The following ZNF233 variants were observed in gnomAD, a reference collection of about 807,000 sequenced individuals.
ZNF233 encodes the protein zinc finger protein 233.
A neutral mutation model predicts 11.6 loss-of-function variants in ZNF233; 7 were observed. The observed-to-expected ratio is 0.60, with a 90% CI of 0.34 to 1.13. The LOEUF (loss-of-function observed/expected upper bound fraction) is 1.13, where lower values mean the gene tolerates loss of function less well. Among genes scored for constraint, ZNF233 ranks in the 50% most tolerant of loss-of-function variants. ZNF233 has a pLI of 0.03. For synonymous variants in ZNF233, 226 were observed against 268.5 expected (o/e 0.84, Z 1.55); for missense variants, 711 against 785.5 (o/e 0.91, Z 1.13).
rs768544741 is a variant in ZNF233, at chr19:44,266,240, G to A, written c.58G>A (p.Glu20Lys). Residue 20 changes from glutamate (E) to lysine (K), a missense_variant, in exon 3 of 5, where the codon GAG becomes AAG. Coordinates refer to ENST00000683810, the MANE Select transcript of ZNF233 (RefSeq NM_001207005.2). ...GGATGTGGCTGTGGTCTTCACCAGG[G>A]AGGAGCTGGGGTTGCTGGACCTTGC... ...FKDVAVVFTR[E>K]ELGLLDLAQR... is the part of the protein sequence containing the mutation. The A allele has an allele frequency of 2.5e-6, 4 of 1,612,664 alleles. No individual in the cohort carries two copies. The South Asian group carries it at 4.4e-5, about 18-fold the overall frequency.
rs551989727 is a variant in ZNF233 at position 44,275,125 on chromosome 19, C to T, written c.*452C>T. The T allele has an allele frequency of 2.0e-5, 8 of 395,642 alleles. No homozygotes were observed. Among genetic ancestry groups the T allele is most frequent in the Admixed American group, 4.3e-5 (1 of 23,254 alleles). 24.5% of individuals were successfully genotyped at this position (395,642 alleles called of 1,614,324 possible). ...GCATGATCGTGACCTTGAACAAGTA[C>T]CTAAGAAATAGTGGCTTCCCTGGAA... On this transcript the variant is annotated 3_prime_UTR_variant, in exon 5 of 5. Coordinates refer to ENST00000683810, the MANE Select transcript of ZNF233 (RefSeq NM_001207005.2).
intron 4 of ZNF233, 88 bp from the exon 5 acceptor site, chr19:44,272,811 T>C (rs1975272429): frequency 1.1e-6 from 1 of 901,494 alleles, no homozygotes; most frequent in Non-Finnish European, 1.7e-6. Context: ...GGTTTCCCAA[T>C]GTGGTCAACC....
Position 44,273,736 on chromosome 19 carries a change from C to A in ZNF233, c.1076C>A (p.Ser359Tyr), listed in dbSNP as rs777337345. Residue 359 changes from serine to tyrosine, a missense_variant, in exon 5 of 5, where the codon TCT becomes TAT. Coordinates refer to ENST00000683810, the MANE Select transcript of ZNF233 (RefSeq NM_001207005.2). Reference sequence around the variant, plus strand: ...TCCAACCAGAACTCCTGTCTTCCCTCTCATGAGCTTACTCACCCAGGAGAG... The same window carrying A: ...TCCAACCAGAACTCCTGTCTTCCCTATCATGAGCTTACTCACCCAGGAGAG... ...RSSNQNSCLP[S>Y]HELTHPGEKL... 1.9e-6 allele frequency: 3 copies of A among 1,614,200 alleles called. No individual in the cohort carries two copies. In the South Asian group the frequency reaches 3.3e-5, roughly 18 times the overall value.
chr19:44,265,843 T>A (rs1225039909), intron 2 of ZNF233, among the ~76,000 whole-genome samples: 2 of 152,236 alleles, frequency 1.3e-5, no homozygotes, highest in African/African-American at 4.8e-5. Flanking sequence ...TGGGACTAAA[T>A]TGACCCAACA....
At chr19:44,271,077 T>C (rs1160468515) in intron 4 of ZNF233, among the ~76,000 whole-genome samples, 3 of 152,164 alleles carry the variant, frequency 2.0e-5, no homozygotes, top group African/African-American at 7.2e-5. Context: ...TTTACTCCTA[T>C]AGGGTGTGTC....
At position 44,273,980 on chromosome 19, in the gene ZNF233, T is replaced by A; in HGVS notation, c.1320T>A (p.Gly440=). 2 of 1,613,494 alleles carry A rather than the reference T, an allele frequency of 1.2e-6. No individual in the cohort carries two copies. Among genetic ancestry groups the A allele is most frequent in the Non-Finnish European group, 1.7e-6 (2 of 1,179,666 alleles). The change falls in exon 5 of 5, where the codon GGT becomes GGA. Residue 440 remains glycine, a synonymous_variant. Coordinates refer to ENST00000683810, the MANE Select transcript of ZNF233 (RefSeq NM_001207005.2). ...ACAGGATATTTAATAGGAATTCTGG[T>A]CTTCACCAGAGAGTTCACACTGGAG... ...VSDRIFNRNS[G]LHQRVHTGEK...
chr19:44,265,063 A>T (rs1238469576), intron 2 of ZNF233, among the ~76,000 whole-genome samples: 4 of 152,184 alleles, frequency 2.6e-5, no homozygotes, highest in African/African-American at 4.8e-5. Flanking sequence ...GAACATTTAT[A>T]TTACCCCAAA....
chr19:44,264,903 C>T (rs1975029998), intron 2 of ZNF233, among the ~76,000 whole-genome samples: 1 of 152,112 alleles, frequency 6.6e-6, no homozygotes, highest in South Asian at 2.1e-4. Context: ...AATAGTATTT[C>T]AATTTGCAAG....
chr19:44,263,544 A>T (rs1974990596), intron 1 of ZNF233, among the ~76,000 whole-genome samples: 1 of 152,232 alleles, frequency 6.6e-6, no homozygotes, highest in African/African-American at 2.4e-5. Context: ...TCCTTACGAC[A>T]GTGAGCACGG....
At chr19:44,271,667 G>A (rs2080416266) in intron 4 of ZNF233, among the ~76,000 whole-genome samples, 1 of 151,866 alleles carries the variant, frequency 6.6e-6, no homozygotes, top group Admixed American at 6.6e-5. Context: ...CTGCCCCCAT[G>A]CCTGGCTAAT....
At chr19:44,269,121 A>C (rs1975171408) in intron 4 of ZNF233, among the ~76,000 whole-genome samples, 2 of 151,902 alleles carry the variant, frequency 1.3e-5, no homozygotes, top group African/African-American at 4.8e-5. Flanking sequence ...TCTTTGACTG[A>C]CTGCCTCATT....
In ZNF233 at chr19:44,264,321, T is replaced by C; in HGVS notation, c.-40T>C. On this transcript the variant is annotated 5_prime_UTR_variant, in exon 2 of 5. Coordinates refer to ENST00000683810, the MANE Select transcript of ZNF233 (RefSeq NM_001207005.2). ...TTCTTTCTCTTTTCCCAGTTCTGCCTTCCCAGGACCCTGCCCTTCCCCAGA... is the reference window on the plus strand; with the variant it reads ...TTCTTTCTCTTTTCCCAGTTCTGCCCTCCCAGGACCCTGCCCTTCCCCAGA... The C allele has an allele frequency of 6.2e-7, 1 of 1,611,264 alleles. No individual in the cohort carries two copies. Among genetic ancestry groups the C allele is most frequent in the Non-Finnish European group, 8.5e-7 (1 of 1,177,840 alleles).
intron 4 of ZNF233, among the ~76,000 whole-genome samples, chr19:44,272,340 CA>C (rs34243089): frequency 0.32 from 28,140 of 88,484 alleles, 2,941 homozygotes; most frequent in African/African-American, 0.45. Context: ...CCTGCAGTCT[CA>C]AAAAAAAAAA....
rs374803358 is a variant in ZNF233 at position 44,266,979 on chromosome 19, C to T, written c.238+18C>T. The T allele has an allele frequency of 1.7e-5, 27 of 1,601,662 alleles. No homozygotes were observed. Among genetic ancestry groups the T allele is most frequent in the Non-Finnish European group, 2.3e-5 (27 of 1,169,992 alleles). ...GTGTTCAGGTGAGAACCATGGAGCT[C>T]TGAGTCTTTGCGGGGTACAGCCTAG... On this transcript the variant is annotated intron_variant, in intron 4 of 4. Coordinates refer to ENST00000683810, the MANE Select transcript of ZNF233 (RefSeq NM_001207005.2).
rs1258428401 is a variant in ZNF233, at chr19:44,264,330, C to A, written c.-31C>A. 1.2e-6 allele frequency: 2 copies of A among 1,612,478 alleles called. No homozygotes were observed. The highest frequency in any genetic ancestry group is 1.1e-5 in the South Asian group (1 of 90,960). ...TTTTCCCAGTTCTGCCTTCCCAGGA[C>A]CCTGCCCTTCCCCAGAAGGAGCAGG... On this transcript the variant is annotated 5_prime_UTR_variant, in exon 2 of 5. Coordinates refer to ENST00000683810, the MANE Select transcript of ZNF233 (RefSeq NM_001207005.2).
Position 44,273,708 on chromosome 19 carries a change from A to C in ZNF233, c.1048A>C (p.Ser350Arg), listed in dbSNP as rs1975306945. 1.9e-6 allele frequency: 3 copies of C among 1,614,132 alleles called. No individual in the cohort carries two copies. Among genetic ancestry groups the C allele is most frequent in the Non-Finnish European group, 2.5e-6 (3 of 1,180,020 alleles). ...NLYRCQVYAR[S>R]SNQNSCLPSH... ...CTACAGATGTCAGGTATATGCCCGG[A>C]GCTCCAACCAGAACTCCTGTCTTCC... The change falls in exon 5 of 5, where the codon AGC becomes CGC. Residue 350 changes from serine (S) to arginine (R), a missense_variant. Coordinates refer to ENST00000683810, the MANE Select transcript of ZNF233 (RefSeq NM_001207005.2).
At position 44,274,644 on chromosome 19, in the gene ZNF233, T is replaced by A. The variant is rs2884015; in HGVS notation, c.1984T>A (p.Leu662Met). 0.16 allele frequency: 255,638 copies of A among 1,605,550 alleles called. 29,718 individuals carry two copies. Among genetic ancestry groups the A allele is most frequent in the African/African-American group, 0.59 (44,238 of 74,458 alleles). The change falls in exon 5 of 5, where the codon TTG becomes ATG. Residue 662 changes from leucine to methionine, a missense_variant. Physicochemically the swap from Leu to Met is conservative, Grantham distance 15. Transcript: ENST00000683810. ...TGGTAAGGGCTTTAGTAAGAGTTCG[T>A]TGTCTTCAGATTCATCAGAGAGTCC... ...VCGKGFSKSS[L>M]SSDSSESP
chr19:44,273,813 T>C lies in ZNF233; in HGVS notation c.1153T>C (p.Phe385Leu), dbSNP rs1451385977. Residue 385 changes from phenylalanine (F) to leucine (L), a missense_variant, in exon 5 of 5, where the codon TTT (phenylalanine) becomes CTT (leucine). Phe to Leu is a conservative substitution (Grantham distance 22). Transcript: ENST00000683810. The stretch of plus-strand genomic sequence containing the variant: ...GAAGGGCTTCCATCATAGCTTAGAT[T>C]TTGACATTCACTGTGTAGACAGTGC... Reference protein sequence around the residue: ...CGKGFHHSLDFDIHCVDSAGE... With the variant: ...CGKGFHHSLDLDIHCVDSAGE... 6.2e-7 allele frequency: 1 copy of C among 1,613,868 alleles called. No homozygotes were observed. The highest frequency in any genetic ancestry group is 8.5e-7 in the Non-Finnish European group (1 of 1,179,946).
intron 1 of ZNF233, among the ~76,000 whole-genome samples, chr19:44,260,628 C>T (rs895711283): frequency 6.6e-6 from 1 of 152,152 alleles, no homozygotes; most frequent in East Asian, 1.9e-4. Flanking sequence ...CATCCTGGAC[C>T]AGAAACAGAG....
Sources: allele counts gnomAD v4.1 joint callset (sites outside exome capture counted in the v4.1 genomes callset), GRCh38; gene constraint gnomAD v4.1.1; transcripts MANE v1.5; gene names NCBI Gene and HGNC (gene_info 2026-07-23, HGNC 2026-07-21).